Variants in BSN observed in about 807,000 individuals in gnomAD.
BSN encodes protein bassoon.
A neutral mutation model predicts 264.8 loss-of-function variants in BSN; 57 were observed. That is an observed-to-expected ratio of 0.22 (90% CI 0.17 to 0.27). The LOEUF is 0.27. Ranked by LOEUF, BSN falls within the 10% of genes least tolerant of loss-of-function variation. The pLI, the probability that BSN is intolerant of heterozygous loss-of-function variation, is 1.00. For missense variants in BSN, 4,615 were observed against 5,232.5 expected, an observed-to-expected ratio of 0.88 and a Z score of 3.64; for synonymous variants, 2,059 against 2,137.3, an observed-to-expected ratio of 0.96 and a Z score of 1.01.
intron 3 of BSN, among the ~76,000 whole-genome samples, chr3:49,649,105 C>G (rs1387268280): frequency 6.6e-6 from 1 of 152,186 alleles, no homozygotes; most frequent in Admixed American, 6.5e-5. Flanking sequence ...GAATCATTGA[C>G]ATGTTATCTG....
chr3:49,606,267 A>ATGTATATATTATATATACATATATT (rs2052147022), intron 1 of BSN, among the ~76,000 whole-genome samples: 1 of 7,586 alleles, frequency 1.3e-4, no homozygotes, highest in Non-Finnish European at 2.6e-4. Flanking sequence ...AAATATATAT[A>ATGTATATATTATATATACATATATT]ATATATATTA....
chr3:49,555,107 G>A (rs955281539), intron 1 of BSN, among the ~76,000 whole-genome samples: 1 of 152,216 alleles, frequency 6.6e-6, no homozygotes, highest in Non-Finnish European at 1.5e-5. Context: ...GCTCGGGCCT[G>A]ACTGCTCAGG....
intron 1 of BSN, among the ~76,000 whole-genome samples, chr3:49,559,116 G>C (rs951735010): frequency 6.6e-6 from 1 of 152,098 alleles, no homozygotes; most frequent in South Asian, 2.1e-4. Flanking sequence ...TAGTAGAGAC[G>C]GGGTTTCACC....
At chr3:49,592,862 T>G (rs1344039368) in intron 1 of BSN, among the ~76,000 whole-genome samples, 1 of 152,210 alleles carries the variant, frequency 6.6e-6, no homozygotes, top group African/African-American at 2.4e-5. Context: ...CCAATATTCA[T>G]AAAATCCACC....
Position 49,642,420 on chromosome 3 carries a change from C to G in BSN, c.786C>G (p.Asp262Glu). 6 of 1,601,558 alleles carry G rather than the reference C, an allele frequency of 3.7e-6. No individual in the cohort carries two copies. The highest frequency in any genetic ancestry group is 5.1e-6 in the Non-Finnish European group (6 of 1,174,282). The change falls in exon 3 of 12, where the codon GAC becomes GAG. Residue 262 changes from aspartate (D) to glutamate (E), a missense_variant. Transcript: ENST00000296452. This position sits in a 1 kb window ranked among gnomAD's most constrained non-coding sequence, Gnocchi z 7.0. ...CCAAACAGCCCCTGGGGAAGCCAGA[C>G]CAAGAGAGATCTCGGGGCCCAGGAG... Reference protein sequence around the residue: ...SPAKQPLGKPDQERSRGPGGP... With the variant: ...SPAKQPLGKPEQERSRGPGGP...
At chr3:49,565,061 A>G (rs531433910) in intron 1 of BSN, among the ~76,000 whole-genome samples, 1 of 150,702 alleles carries the variant, frequency 6.6e-6, no homozygotes, top group East Asian at 1.9e-4. Flanking sequence ...CAAACCTACC[A>G]CGTAGCTTCA....
At chr3:49,573,489 C>T (rs2051814547) in intron 1 of BSN, among the ~76,000 whole-genome samples, 1 of 152,154 alleles carries the variant, frequency 6.6e-6, no homozygotes, top group African/African-American at 2.4e-5. Flanking sequence ...CCTGTCCCCT[C>T]TAACTCCTCC....
chr3:49,564,994 G>GT (rs2051741245), intron 1 of BSN, among the ~76,000 whole-genome samples: 1 of 148,430 alleles, frequency 6.7e-6, no homozygotes, highest in East Asian at 1.9e-4. Context: ...AAGGAGAAAG[G>GT]TAAAAAAAAA....
At chr3:49,582,380 A>G (rs2051901245) in intron 1 of BSN, among the ~76,000 whole-genome samples, 1 of 152,104 alleles carries the variant, frequency 6.6e-6, no homozygotes, top group Non-Finnish European at 1.5e-5. Flanking sequence ...TGCAGTCATA[A>G]CACACTACAG....
intron 1 of BSN, among the ~76,000 whole-genome samples, chr3:49,586,161 C>G (rs2051935579): frequency 6.6e-6 from 1 of 152,032 alleles, no homozygotes; most frequent in African/African-American, 2.4e-5. Flanking sequence ...GGGTATTGGT[C>G]AAGAAAGTTT....
chr3:49,565,915 G>A (rs543227117), intron 1 of BSN, among the ~76,000 whole-genome samples: 3 of 152,040 alleles, frequency 2.0e-5, no homozygotes, highest in Non-Finnish European at 2.9e-5. Flanking sequence ...TCCACCTCAC[G>A]GGTTCAAGCA....
chr3:49,604,004 AT>A (rs1286673541), intron 1 of BSN, among the ~76,000 whole-genome samples: 2 of 152,146 alleles, frequency 1.3e-5, no homozygotes, highest in African/African-American at 4.8e-5. Context: ...ACATTGTAGT[AT>A]GCATGTATCA....
intron 1 of BSN, among the ~76,000 whole-genome samples, chr3:49,597,842 A>G (rs1180333787): frequency 6.6e-6 from 1 of 150,542 alleles, no homozygotes; most frequent in African/African-American, 2.4e-5. Context: ...ATGGGGTTTC[A>G]CTCTGTTAGC....
rs768557898 is a variant in BSN at position 49,660,491 on chromosome 3, G to A, written c.8646G>A (p.Ser2882=). The A allele has an allele frequency of 9.2e-6, 14 of 1,529,798 alleles. No homozygotes were observed. The highest frequency in any genetic ancestry group is 4.5e-5 in the East Asian group (2 of 44,146). 94.8% of individuals were successfully genotyped at this position (1,529,798 alleles called of 1,614,324 possible). A position where few individuals can be genotyped will look rare whatever the true frequency, so the allele number is the denominator to read the frequency against. ...QHQGGLGSQV[S]ALPPNSLVRK... Reference sequence around the variant, plus strand: ...CACCCTTCCCTCTGTCTCAGGTGTCGGCGTTGCCACCCAACAGCCTGGTCC... The same window carrying A: ...CACCCTTCCCTCTGTCTCAGGTGTCAGCGTTGCCACCCAACAGCCTGGTCC... Residue 2882 remains serine, a synonymous_variant, in exon 6 of 12, where the codon TCG becomes TCA. Transcript: ENST00000296452. The surrounding 1 kb of genome is among the most constrained non-coding windows in gnomAD (Gnocchi z 7.1).
intron 3 of BSN, among the ~76,000 whole-genome samples, chr3:49,646,253 T>A (rs892843773): frequency 3.3e-5 from 5 of 152,248 alleles, no homozygotes; most frequent in African/African-American, 1.2e-4. Flanking sequence ...CAGTTTTTTT[T>A]ACCTATTTGT....
intron 2 of BSN, among the ~76,000 whole-genome samples, chr3:49,630,374 C>A (rs1575442284): frequency 6.6e-6 from 1 of 152,246 alleles, no homozygotes; most frequent in African/African-American, 2.4e-5. Context: ...CACCGAATAG[C>A]TAGTCCTTGG....
intron 1 of BSN, among the ~76,000 whole-genome samples, chr3:49,568,434 C>G (rs2051771096): frequency 6.6e-6 from 1 of 152,180 alleles, no homozygotes. Flanking sequence ...CTTGTTCCCT[C>G]TACTTTATTC....
chr3:49,573,395 C>T (rs1187325876), intron 1 of BSN, among the ~76,000 whole-genome samples: 2 of 152,186 alleles, frequency 1.3e-5, no homozygotes, highest in Admixed American at 6.5e-5. Context: ...AGCAAAGGGA[C>T]ATGTTCTGGC....
Position 49,569,467 on chromosome 3 carries a change from C to T in BSN, c.224+14641C>T, listed in dbSNP as rs79856359. Among the ~76,000 whole-genome samples, 416 of 152,292 alleles carry T rather than the reference C, an allele frequency of 2.7e-3. 3 individuals carry two copies. The highest frequency in any genetic ancestry group is 9.3e-3 in the African/African-American group (386 of 41,556). The stretch of plus-strand genomic sequence containing the variant: ...CTACTAGTTGATGTCAGGTTCCATG[C>T]CCAGGGCTGAGGATAGAAAGATGAA... On this transcript the variant is annotated intron_variant, in intron 1 of 11. Transcript: ENST00000296452.
Sources: allele counts gnomAD v4.1 joint callset (sites outside exome capture counted in the v4.1 genomes callset), GRCh38; gene constraint gnomAD v4.1.1; non-coding constraint Gnocchi (gnomAD v3.1); transcripts MANE v1.5; gene names NCBI Gene and HGNC (gene_info 2026-07-23, HGNC 2026-07-21).